The following RBBP8 variants were observed in gnomAD, a reference collection of about 807,000 sequenced individuals.
The protein encoded by RBBP8 is RB binding protein 8, endonuclease, also known as DNA endonuclease RBBP8.
RBBP8 carries 88 observed loss-of-function variants against 108.3 expected under a neutral mutation model. The ratio of observed to expected loss-of-function variants is 0.81; its 90% CI spans 0.68 to 0.97. The LOEUF (loss-of-function observed/expected upper bound fraction) is 0.97, where lower values mean the gene tolerates loss of function less well. Among genes scored for constraint, RBBP8 ranks in the 50% least tolerant of loss-of-function variants. The pLI, the probability that RBBP8 is intolerant of heterozygous loss-of-function variation, is 0.00. For synonymous variants in RBBP8, 332 were observed against 348.2 expected (o/e 0.95, Z 0.52); for missense variants, 1,023 against 1,049.0 (o/e 0.98, Z 0.34).
exon 2 of RBBP8, chr18:22,915,483 C>T (rs963265632): frequency 2.6e-5 from 4 of 152,108 alleles, no homozygotes; most frequent in Non-Finnish European, 2.9e-5. Flanking sequence ...TCTGGTAATC[C>T]AGGTAAACTG....
chr18:23,002,384 G>A (rs1437008346), intron 15 of RBBP8, among the ~76,000 whole-genome samples: 3 of 152,110 alleles, frequency 2.0e-5, no homozygotes. Context: ...CAGCCTGGGC[G>A]ACAGAGTGAG....
At chr18:23,023,007 C>G (rs1297302686) in intron 18 of RBBP8, among the ~76,000 whole-genome samples, 3 of 151,694 alleles carry the variant, frequency 2.0e-5, no homozygotes, top group Non-Finnish European at 4.4e-5. Context: ...GGCTCAAACT[C>G]TACCTCAGCC....
At chr18:22,934,607 T>G (rs1360575290) in intron 1 of RBBP8, 4 of 152,152 alleles carry the variant, frequency 2.6e-5, no homozygotes, top group African/African-American at 9.7e-5. Context: ...TGTGCCATGT[T>G]GGTGTGCTGC....
chr18:22,987,010 C>A (rs4474794), intron 8 of RBBP8, among the ~76,000 whole-genome samples: 74,129 of 152,064 alleles, frequency 0.49, 21,359 homozygotes, highest in Middle Eastern at 0.66. Context: ...CTGGCTTATT[C>A]TTAAGTATAT....
upstream of RBBP8, among the ~76,000 whole-genome samples, chr18:22,932,926 AC>A (rs1910128489): frequency 6.6e-6 from 1 of 152,176 alleles, no homozygotes; most frequent in Non-Finnish European, 1.5e-5. Context: ...ACATCACTAA[AC>A]TGCAGATAAC....
chr18:22,971,222 C>T (rs913386083), intron 5 of RBBP8, among the ~76,000 whole-genome samples: 2 of 152,010 alleles, frequency 1.3e-5, no homozygotes, highest in Admixed American at 6.5e-5. Flanking sequence ...GGAACCACCC[C>T]GACCCTCCCA....
chr18:22,996,338 AG>A, intron 12 of RBBP8, 35 bp from the exon 13 acceptor site: 1 of 1,610,918 alleles, frequency 6.2e-7, no homozygotes. Flanking sequence ...TTTTGAAATC[AG>A]TTTTTTAATT....
At position 22,984,868 on chromosome 18, in the gene RBBP8, AT is replaced by A. The variant is rs772274835; in HGVS notation, c.605-11del. ...ATCATTGTTTATTGTGTAATCTCTT[AT>A]TTTTTTCTCCCCTTAGAAATGAGAA... On this transcript the variant is annotated splice_polypyrimidine_tract_variant and intron_variant, in intron 7 of 18. Coordinates refer to ENST00000327155, the MANE Select transcript of RBBP8 (RefSeq NM_002894.3). 7.0e-6 allele frequency: 10 copies of A among 1,420,972 alleles called. No homozygotes were observed. The highest frequency in any genetic ancestry group is 2.8e-5 in the African/African-American group (2 of 70,896). The allele number at this position is 1,420,972 out of a possible 1,614,324, so 88.0% of individuals were successfully genotyped here.
Position 22,997,699 on chromosome 18 carries a change from TGAA to T in RBBP8, c.2113_2115del (p.Lys705del), listed in dbSNP as rs1401884120. The T allele has an allele frequency of 1.2e-6, 2 of 1,607,250 alleles. No individual in the cohort carries two copies. Among genetic ancestry groups the T allele is most frequent in the Admixed American group, 3.4e-5 (2 of 59,700 alleles). ...GTTAGTGAAACCGTTCTCTTAAAAA[TGAA>T]GAAGCAAGAGCAGAAGGGAGAAAAA... On this transcript the variant is annotated inframe_deletion, in exon 14 of 19. Transcript: ENST00000327155.
intron 14 of RBBP8, among the ~76,000 whole-genome samples, chr18:22,997,974 G>A (rs1567989485): frequency 2.6e-5 from 4 of 152,140 alleles, no homozygotes; most frequent in Admixed American, 6.5e-5. Flanking sequence ...GCAAATGACA[G>A]CCAGCTACCA....
chr18:22,932,288 TA>T (rs1910082612), upstream of RBBP8, among the ~76,000 whole-genome samples: 1 of 152,214 alleles, frequency 6.6e-6, no homozygotes. Context: ...GTCATAAACA[TA>T]AAAGCTTCAC....
chr18:22,953,666 A>G (rs965259152), intron 4 of RBBP8, among the ~76,000 whole-genome samples: 2 of 152,026 alleles, frequency 1.3e-5, no homozygotes, highest in Admixed American at 6.6e-5. Flanking sequence ...GCCGTTTCAG[A>G]GAAGAAATCA....
intron 1 of RBBP8, among the ~76,000 whole-genome samples, chr18:22,935,223 A>G (rs957570720): frequency 5.3e-5 from 8 of 151,308 alleles, no homozygotes; most frequent in Non-Finnish European, 1.0e-4. Flanking sequence ...GCACCCACCC[A>G]GCTTCAGAAA....
At chr18:22,957,546 TA>T (rs2144532135) in intron 4 of RBBP8, among the ~76,000 whole-genome samples, 1 of 152,320 alleles carries the variant, frequency 6.6e-6, no homozygotes, top group South Asian at 2.1e-4. Flanking sequence ...TGAACTGGAA[TA>T]AACTCAGAAT....
intron 2 of RBBP8, chr18:22,916,793 T>G (rs944203978): frequency 1.3e-5 from 2 of 152,146 alleles, no homozygotes; most frequent in African/African-American, 4.8e-5. Context: ...TGGATCCCGC[T>G]CTCATTTTCT....
chr18:23,007,065 G>A lies in RBBP8; in HGVS notation c.2357+633G>A, dbSNP rs531051611. Among the ~76,000 whole-genome samples the A allele has an allele frequency of 2.7e-5, 4 of 146,302 alleles. No individual in the cohort carries two copies. In the East Asian group the frequency reaches 6.1e-4, roughly 22 times the overall value. ...AGACAGAGTTTCACTCTGTTGCCCC[G>A]GCTGGAGTACAGTGGCGCAATCTCG... On this transcript the variant is annotated intron_variant, in intron 16 of 18. Transcript: ENST00000327155.
chr18:22,988,553 C>G (rs1265923200), intron 8 of RBBP8, among the ~76,000 whole-genome samples: 3 of 152,250 alleles, frequency 2.0e-5, no homozygotes, highest in Admixed American at 6.5e-5. Flanking sequence ...CCTTGATTTC[C>G]CAGAAGAGAT....
At position 23,026,159 on chromosome 18, in the gene RBBP8, T is replaced by A. The variant is rs140270739; in HGVS notation, c.2613T>A (p.Asp871Glu). 3 of 1,613,450 alleles carry A rather than the reference T, an allele frequency of 1.9e-6. No homozygotes were observed. Among genetic ancestry groups the A allele is most frequent in the African/African-American group, 2.7e-5 (2 of 75,048 alleles). Residue 871 changes from aspartate (D) to glutamate (E), a missense_variant, in exon 19 of 19, where the codon GAT becomes GAA. By Grantham distance (45) the Asp-to-Glu change is conservative (BLOSUM62 2). Transcript: ENST00000327155. ...GTTTTTAAGGTTATATTAAGGAAGATCTTGATCCTTGTCCTCGTCCAAAAA... is the reference window on the plus strand; with the variant it reads ...GTTTTTAAGGTTATATTAAGGAAGAACTTGATCCTTGTCCTCGTCCAAAAA... ...TCMERGYIKE[D>E]LDPCPRPKRR...
At chr18:22,995,444 A>G (rs77796576) in intron 12 of RBBP8, among the ~76,000 whole-genome samples, 2,178 of 152,328 alleles carry the variant, frequency 0.014, 46 homozygotes, top group African/African-American at 0.049. Context: ...TAATTGAAAT[A>G]TAAATCACAT....
Sources: allele counts gnomAD v4.1 joint callset (sites outside exome capture counted in the v4.1 genomes callset), GRCh38; gene constraint gnomAD v4.1.1; transcripts MANE v1.5; gene names NCBI Gene and HGNC (gene_info 2026-07-23, HGNC 2026-07-21).